PTPN11: variants seen among roughly 807,000 people sequenced by gnomAD.
PTPN11 encodes protein tyrosine phosphatase non-receptor type 11.
A neutral mutation model predicts 78.8 loss-of-function variants in PTPN11; 6 were observed. That is an observed-to-expected ratio of 0.08 (90% CI 0.04 to 0.15). The LOEUF is 0.15. Among genes scored for constraint, PTPN11 ranks in the 10% least tolerant of loss-of-function variants. PTPN11 has a pLI of 1.00. For synonymous variants in PTPN11, 221 were observed against 263.5 expected, an observed-to-expected ratio of 0.84 and a Z score of 1.56; for missense variants, 386 against 744.8, an observed-to-expected ratio of 0.52 and a Z score of 5.61.
chr12:112,452,316 T>C (rs185513926), intron 3 of PTPN11, among the ~76,000 whole-genome samples: 4 of 152,222 alleles, frequency 2.6e-5, no homozygotes, highest in African/African-American at 7.2e-5. Context: ...AACCTCCGCC[T>C]CCCAGGTTCA....
At chr12:112,479,861 T>C (rs1226286756) in intron 9 of PTPN11, among the ~76,000 whole-genome samples, 1 of 152,138 alleles carries the variant, frequency 6.6e-6, no homozygotes, top group Non-Finnish European at 1.5e-5. Context: ...CATGTCCTAC[T>C]CTCTGCTCCC....
intron 13 of PTPN11, among the ~76,000 whole-genome samples, chr12:112,493,641 G>A (rs1249226586): frequency 1.3e-5 from 2 of 151,744 alleles, no homozygotes; most frequent in African/African-American, 2.4e-5. Flanking sequence ...TACCCACCTC[G>A]GCCTCCCAAA....
chr12:112,489,614 G>A (rs2038721394), intron 13 of PTPN11, among the ~76,000 whole-genome samples: 2 of 152,178 alleles, frequency 1.3e-5, no homozygotes, highest in African/African-American at 2.4e-5. Flanking sequence ...TGGAAACAGT[G>A]AAATTTCAAT....
intron 1 of PTPN11, among the ~76,000 whole-genome samples, chr12:112,433,397 GA>G (rs2037742270): frequency 6.6e-6 from 1 of 152,132 alleles, no homozygotes; most frequent in South Asian, 2.1e-4. Context: ...CCACAGTGAC[GA>G]AATCGCCTAA....
chr12:112,486,745 T>C (rs2038684336), intron 11 of PTPN11, 116 bp downstream of exon 11: 5 of 1,533,686 alleles, frequency 3.3e-6, no homozygotes, highest in Non-Finnish European at 4.4e-6. Flanking sequence ...TTAATATCTG[T>C]TTGAGGCATA....
intron 10 of PTPN11, among the ~76,000 whole-genome samples, chr12:112,485,714 C>T (rs536139779): frequency 5.3e-5 from 8 of 152,032 alleles, no homozygotes; most frequent in South Asian, 2.1e-4. Flanking sequence ...GGGTGGCTCA[C>T]GCCTGTAATC....
intron 5 of PTPN11, 126 bp downstream of exon 5, chr12:112,454,806 C>T (rs1292205557): frequency 1.7e-6 from 1 of 582,864 alleles, no homozygotes; most frequent in East Asian, 3.8e-5. Context: ...ATTGCAGCTT[C>T]AACTATCAAA....
Position 112,467,241 on chromosome 12 carries a change from G to T in PTPN11, c.757-5703G>T, listed in dbSNP as rs2038343670. ...ATGGATCAGGACATTGACTTTCTGT[G>T]GATACCTTTTAATAGTTTATTAGAT... On this transcript the variant is annotated intron_variant, in intron 6 of 15. Transcript: ENST00000351677. 2.0e-5 allele frequency among the ~76,000 whole-genome samples: 3 copies of T among 152,238 alleles called. No individual in the cohort carries two copies. In the South Asian group the frequency reaches 6.2e-4, roughly 32 times the overall value.
intron 3 of PTPN11, among the ~76,000 whole-genome samples, chr12:112,451,468 T>C (rs1179263801): frequency 6.6e-6 from 1 of 152,198 alleles, no homozygotes; most frequent in Non-Finnish European, 1.5e-5. Flanking sequence ...TATGTTAAGA[T>C]GCTTCCCAAA....
intron 1 of PTPN11, among the ~76,000 whole-genome samples, chr12:112,420,057 A>G (rs2037497375): frequency 6.6e-6 from 1 of 152,230 alleles, no homozygotes; most frequent in Non-Finnish European, 1.5e-5. Context: ...CTAACCTCAC[A>G]GCTAGTAGGT....
chr12:112,469,178 A>C (rs1592840796), intron 6 of PTPN11, among the ~76,000 whole-genome samples: 2 of 152,328 alleles, frequency 1.3e-5, no homozygotes, highest in East Asian at 3.9e-4. Flanking sequence ...TTAGTCTGGC[A>C]AAGTATTCCC....
chr12:112,440,965 CTTTT>C (rs376303682), intron 1 of PTPN11, among the ~76,000 whole-genome samples: 3 of 131,538 alleles, frequency 2.3e-5, no homozygotes, highest in Admixed American at 7.7e-5. Context: ...CTTTTCTTTT[CTTTT>C]TTTTTTTTTT....
intron 6 of PTPN11, among the ~76,000 whole-genome samples, chr12:112,456,615 A>G (rs967826454): frequency 3.3e-5 from 5 of 152,046 alleles, no homozygotes; most frequent in African/African-American, 4.8e-5. Flanking sequence ...ACATGCCCCT[A>G]TGCCTGGCTA....
chr12:112,479,352 G>C (rs1254253938), intron 9 of PTPN11, among the ~76,000 whole-genome samples: 1 of 151,956 alleles, frequency 6.6e-6, no homozygotes, highest in African/African-American at 2.4e-5. Flanking sequence ...AAGATTTTAT[G>C]TGGAATGTAG....
At chr12:112,491,817 C>T (rs982851368) in intron 13 of PTPN11, among the ~76,000 whole-genome samples, 10 of 152,134 alleles carry the variant, frequency 6.6e-5, no homozygotes, top group African/African-American at 2.4e-4. Context: ...GTGATCCTCC[C>T]ACCTCAGCCT....
At chr12:112,441,550 A>G (rs11066307) in intron 1 of PTPN11, among the ~76,000 whole-genome samples, 1 of 152,172 alleles carries the variant, frequency 6.6e-6, no homozygotes. Flanking sequence ...GGTGTGAGCC[A>G]CTGTGCCTGG....
chr12:112,440,820 T>G (rs954665738), intron 1 of PTPN11, among the ~76,000 whole-genome samples: 11 of 151,596 alleles, frequency 7.3e-5, no homozygotes, highest in African/African-American at 2.7e-4. Context: ...GTAATCCTCC[T>G]GCCTCAGCTC....
chr12:112,442,860 AT>A lies in PTPN11; in HGVS notation c.15-3415del, dbSNP rs1566162713. Among the ~76,000 whole-genome samples the A allele has an allele frequency of 4.2e-4, 33 of 79,402 alleles. 1 individual carries two copies. In the East Asian group the frequency reaches 0.014, roughly 34 times the overall value. The allele number at this position is 79,402 out of a possible 152,430, so 52.1% of individuals were successfully genotyped here. On this transcript the variant is annotated intron_variant, in intron 1 of 15. Coordinates refer to ENST00000351677, the MANE Select transcript of PTPN11 (RefSeq NM_002834.5). ...TATATATATATATATATATATATATATATATATATATATATATAAATTATAT... is the reference window on the plus strand; with the variant it reads ...TATATATATATATATATATATATATAATATATATATATATATAAATTATAT...
intron 6 of PTPN11, among the ~76,000 whole-genome samples, chr12:112,469,213 T>C (rs2038375932): frequency 6.6e-6 from 1 of 152,186 alleles, no homozygotes; most frequent in Non-Finnish European, 1.5e-5. Flanking sequence ...TGATTCTTGG[T>C]GTTACCCCAT....
Sources: allele counts gnomAD v4.1 joint callset (sites outside exome capture counted in the v4.1 genomes callset), GRCh38; gene constraint gnomAD v4.1.1; transcripts MANE v1.5; gene names NCBI Gene and HGNC (gene_info 2026-07-23, HGNC 2026-07-21).